The following MAD1L1 variants were observed in gnomAD, a reference collection of about 807,000 sequenced individuals.
MAD1L1 encodes mitotic arrest deficient 1 like 1.
A neutral mutation model predicts 96.9 loss-of-function variants in MAD1L1; 95 were observed. The observed-to-expected ratio is 0.98, with a 90% CI of 0.83 to 1.16. MAD1L1 has a LOEUF of 1.16. Ranked by LOEUF, MAD1L1 falls within the 50% of genes most tolerant of loss-of-function variation. The pLI, the probability that MAD1L1 is intolerant of heterozygous loss-of-function variation, is 0.00. For synonymous variants in MAD1L1, 473 were observed against 396.6 expected (o/e 1.19, Z -2.29); for missense variants, 1,007 against 954.4 (o/e 1.06, Z -0.73).
At chr7:2,168,069 G>A (rs905703188) in intron 10 of MAD1L1, among the ~76,000 whole-genome samples, 6 of 152,182 alleles carry the variant, frequency 3.9e-5, no homozygotes, top group Non-Finnish European at 7.3e-5. Context: ...TGGATCACTT[G>A]AGGTCAGGAG....
intron 18 of MAD1L1, 91 bp from the exon 19 acceptor site, chr7:1,816,319 G>GGGGGCTTCCCTCA (rs1781803328): frequency 7.5e-7 from 1 of 1,330,608 alleles, no homozygotes; most frequent in Non-Finnish European, 1.1e-6. Context: ...CTCCAGCCAT[G>GGGGGCTTCCCTCA]GGGGCTTCCC....
intron 11 of MAD1L1, among the ~76,000 whole-genome samples, chr7:2,077,753 G>A (rs1785447380): frequency 6.6e-6 from 1 of 152,206 alleles, no homozygotes; most frequent in Non-Finnish European, 1.5e-5. Flanking sequence ...CAGCCCCAGT[G>A]GACAGCCTGC....
chr7:2,023,318 A>G (rs954412890), intron 12 of MAD1L1, among the ~76,000 whole-genome samples: 5 of 152,216 alleles, frequency 3.3e-5, no homozygotes, highest in African/African-American at 7.2e-5. Flanking sequence ...AAAAGAATAT[A>G]AAGTATATAA....
chr7:1,908,451 G>A (rs6970033), intron 17 of MAD1L1, among the ~76,000 whole-genome samples: 68,390 of 151,706 alleles, frequency 0.45, 15,628 homozygotes, highest in Admixed American at 0.55. Context: ...GCGCGATCGT[G>A]GCTCACTGTA....
intron 18 of MAD1L1, among the ~76,000 whole-genome samples, chr7:1,820,515 T>C (rs1466193493): frequency 2.0e-5 from 3 of 152,048 alleles, no homozygotes; most frequent in Non-Finnish European, 4.4e-5. Context: ...ACCTGTAATC[T>C]TTGCACTTTG....
intron 11 of MAD1L1, chr7:2,089,313 G>A (rs1786088320): frequency 6.6e-6 from 1 of 152,252 alleles, no homozygotes; most frequent in African/African-American, 2.4e-5. Flanking sequence ...TGAATCATGG[G>A]GGCCCGTCTT....
intron 13 of MAD1L1, among the ~76,000 whole-genome samples, chr7:2,011,915 T>C (rs1205794161): frequency 6.6e-6 from 1 of 152,132 alleles, no homozygotes; most frequent in Admixed American, 6.5e-5. Flanking sequence ...GAGGAGGCTG[T>C]GAGGGCTCAG....
At chr7:1,852,895 G>A (rs897990620) in intron 18 of MAD1L1, among the ~76,000 whole-genome samples, 37 of 152,284 alleles carry the variant, frequency 2.4e-4, no homozygotes, top group Admixed American at 3.3e-4. Flanking sequence ...TCCGAGGACG[G>A]GCCGCTGTCC....
At chr7:2,094,238 C>A (rs1277241542) in intron 11 of MAD1L1, among the ~76,000 whole-genome samples, 1 of 152,096 alleles carries the variant, frequency 6.6e-6, no homozygotes, top group Non-Finnish European at 1.5e-5. Flanking sequence ...GGAGTGTGTC[C>A]CTAAAGGGCT....
intron 15 of MAD1L1, among the ~76,000 whole-genome samples, chr7:1,978,753 G>GC (rs923178643): frequency 2.6e-5 from 4 of 152,158 alleles, no homozygotes; most frequent in African/African-American, 9.7e-5. Context: ...GTGAAGAATG[G>GC]CCCCCAGGTC....
chr7:2,020,316 G>A (rs1406264848), intron 12 of MAD1L1, among the ~76,000 whole-genome samples: 1 of 152,152 alleles, frequency 6.6e-6, no homozygotes, highest in Non-Finnish European at 1.5e-5. Flanking sequence ...GCCCGAGATT[G>A]CTATCCACAG....
In MAD1L1 at chr7:2,227,227, C is replaced by T. The variant is rs116845642; in HGVS notation, c.151-1677G>A. Among the ~76,000 whole-genome samples the T allele has an allele frequency of 5.7e-4, 86 of 152,200 alleles. 1 individual carries two copies. The East Asian group carries it at 0.014, about 25-fold the overall frequency. On this transcript the variant is annotated intron_variant, in intron 3 of 18. Coordinates refer to ENST00000265854, the MANE Select transcript of MAD1L1 (RefSeq NM_001013836.2). ...GGGAGAATCACTTGAACCCAGGAGA[C>T]GGAGGCTGCAGTGAGCCAACATTGT...
At chr7:1,824,304 C>T (rs971660944) in intron 18 of MAD1L1, among the ~76,000 whole-genome samples, 2 of 152,156 alleles carry the variant, frequency 1.3e-5, no homozygotes, top group African/African-American at 2.4e-5. Context: ...CTTCTAACCT[C>T]GGCTTGGCCA....
chr7:2,014,748 C>G, intron 12 of MAD1L1, 106 bp from the exon 13 acceptor site: 1 of 1,320,500 alleles, frequency 7.6e-7, no homozygotes, highest in Non-Finnish European at 1.0e-6. Flanking sequence ...CGGGGGCTCC[C>G]TCGTGAGGAC....
intron 10 of MAD1L1, among the ~76,000 whole-genome samples, chr7:2,191,325 G>C (rs1053092062): frequency 6.6e-6 from 1 of 152,186 alleles, no homozygotes; most frequent in Non-Finnish European, 1.5e-5. Flanking sequence ...ATAGCAAACA[G>C]CCCTCCTGGA....
intron 15 of MAD1L1, among the ~76,000 whole-genome samples, chr7:1,973,333 T>C (rs952181206): frequency 2.6e-5 from 4 of 152,068 alleles, no homozygotes; most frequent in African/African-American, 7.2e-5. Flanking sequence ...GGGGGCAGAG[T>C]GGGAGTTCTG....
chr7:2,053,748 G>A (rs890235178), intron 12 of MAD1L1, among the ~76,000 whole-genome samples: 2 of 152,184 alleles, frequency 1.3e-5, no homozygotes, highest in African/African-American at 2.4e-5. Context: ...TGCATTCTGG[G>A]CTGCAGGTTT....
intron 17 of MAD1L1, among the ~76,000 whole-genome samples, chr7:1,899,615 G>C (rs1429852329): frequency 6.6e-6 from 1 of 151,994 alleles, no homozygotes; most frequent in Non-Finnish European, 1.5e-5. Flanking sequence ...GCAGCGCCCG[G>C]GGGGAGGCTG....
rs2128441984 is a variant in MAD1L1, at chr7:1,898,260, C to A, written c.1938G>T (p.Glu646Asp). Residue 646 changes from glutamate to aspartate, a missense_variant, in exon 18 of 19, where the codon GAG (glutamate) becomes GAT (aspartate). Coordinates refer to ENST00000265854, the MANE Select transcript of MAD1L1 (RefSeq NM_001013836.2). ...LTGYQIDITT[E>D]NQYRLTSLYA... ...ACAGCGAGGTCAGCCGGTACTGGTTCTCCGTGGTGATGTCGATCTGGTAGC... is the reference window on the plus strand; with the variant it reads ...ACAGCGAGGTCAGCCGGTACTGGTTATCCGTGGTGATGTCGATCTGGTAGC... The A allele has an allele frequency of 6.2e-7, 1 of 1,614,174 alleles. No homozygotes were observed. The highest frequency in any genetic ancestry group is 8.5e-7 in the Non-Finnish European group (1 of 1,180,034).
Sources: gnomAD v4.1 joint callset for allele counts (sites outside exome capture counted in the v4.1 genomes callset) on GRCh38, gnomAD v4.1.1 for gene constraint, MANE v1.5 for transcripts, NCBI Gene and HGNC (gene_info 2026-07-23, HGNC 2026-07-21) for gene names.